SLIT2: variants seen among roughly 807,000 people sequenced by gnomAD.
The protein encoded by SLIT2 is slit homolog 2 protein.
A neutral mutation model predicts 185.7 loss-of-function variants in SLIT2; 41 were observed. That is an observed-to-expected ratio of 0.22 (90% CI 0.17 to 0.29). The LOEUF (loss-of-function observed/expected upper bound fraction) is 0.29, where lower values mean the gene tolerates loss of function less well. Among genes scored for constraint, SLIT2 ranks in the 10% least tolerant of loss-of-function variants. SLIT2 has a pLI of 1.00. For synonymous variants in SLIT2, 693 were observed against 680.2 expected (o/e 1.02, Z -0.29); for missense variants, 1,571 against 1,909.0 (o/e 0.82, Z 3.30).
intron 3 of SLIT2, among the ~76,000 whole-genome samples, chr4:20,259,586 G>A (rs1426333495): frequency 6.6e-6 from 1 of 151,734 alleles, no homozygotes; most frequent in Non-Finnish European, 1.5e-5. Context: ...TCACTTCAGA[G>A]TGTTGTCTGA....
intron 4 of SLIT2, among the ~76,000 whole-genome samples, chr4:20,366,990 T>G (rs1334924350): frequency 6.6e-6 from 1 of 151,932 alleles, no homozygotes; most frequent in East Asian, 1.9e-4. Flanking sequence ...ACAGAGACAG[T>G]GTCTTCCTCT....
chr4:20,466,008 A>G (rs907977533), intron 4 of SLIT2, among the ~76,000 whole-genome samples: 8 of 151,944 alleles, frequency 5.3e-5, no homozygotes, highest in Admixed American at 4.6e-4. Context: ...AAGCGATTAG[A>G]AAACATGGAA....
rs1239042750 is a variant in SLIT2, at chr4:20,252,928, G to A, written c.-888G>A. 6.6e-6 allele frequency among the ~76,000 whole-genome samples: 1 copy of A among 152,170 alleles called. No individual in the cohort carries two copies. Among genetic ancestry groups the A allele is most frequent in the Non-Finnish European group, 1.5e-5 (1 of 68,038 alleles). On this transcript the variant is annotated 5_prime_UTR_variant, in exon 1 of 37. Transcript: ENST00000504154. ...GCTCTCATCCTCCACTTGGCCTCTT[G>A]GAGTTCCTCGCCGGAGTGCTGACTA...
At chr4:20,561,278 G>A (rs536263959) in intron 26 of SLIT2, among the ~76,000 whole-genome samples, 9 of 151,930 alleles carry the variant, frequency 5.9e-5, no homozygotes, top group East Asian at 3.9e-4. Flanking sequence ...TCAACATTTA[G>A]CATGCTGTGG....
At chr4:20,404,076 A>G (rs961978914) in intron 4 of SLIT2, among the ~76,000 whole-genome samples, 2 of 151,906 alleles carry the variant, frequency 1.3e-5, no homozygotes, top group Non-Finnish European at 2.9e-5. Context: ...AGCCTTTACA[A>G]TTTTTCAGTT....
intron 4 of SLIT2, among the ~76,000 whole-genome samples, chr4:20,402,970 A>C (rs913550800): frequency 3.3e-5 from 5 of 151,804 alleles, no homozygotes; most frequent in African/African-American, 1.2e-4. Flanking sequence ...AGATATATCT[A>C]AATTATTTTC....
chr4:20,496,810 C>T (rs1025962538), intron 9 of SLIT2, among the ~76,000 whole-genome samples: 1 of 152,008 alleles, frequency 6.6e-6, no homozygotes, highest in South Asian at 2.1e-4. Flanking sequence ...AAAAATTAAT[C>T]AGACATTTGG....
At chr4:20,597,834 C>A (rs1728106009) in intron 32 of SLIT2, among the ~76,000 whole-genome samples, 1 of 152,088 alleles carries the variant, frequency 6.6e-6, no homozygotes, top group Admixed American at 6.6e-5. Context: ...GGCCAAAGAG[C>A]AGGATAAAAA....
chr4:20,486,334 T>C (rs1717232965), intron 7 of SLIT2, 63 bp downstream of exon 7: 2 of 975,820 alleles, frequency 2.0e-6, no homozygotes, highest in African/African-American at 3.2e-5. Context: ...TTAAATAGCA[T>C]GTTCAGTAAG....
chr4:20,533,639 G>T lies in SLIT2; in HGVS notation c.1756G>T (p.Glu586Ter). Reference sequence around the variant, plus strand: ...ATTTGAAGGAGCATCTGGTGTAAATGAAATACTTCTTACGAGTAATCGTTT... The same window carrying T: ...ATTTGAAGGAGCATCTGGTGTAAATTAAATACTTCTTACGAGTAATCGTTT... ...GAFEGASGVN[E>*]ILLTSNRLEN... Residue 586 changes from glutamate (E) to a stop codon, truncating the protein, a stop_gained, in exon 18 of 37, where the codon GAA becomes TAA. Coordinates refer to ENST00000504154, the MANE Select transcript of SLIT2 (RefSeq NM_004787.4). LOFTEE classifies it high-confidence loss of function. The T allele has an allele frequency of 6.2e-7, 1 of 1,612,258 alleles. No homozygotes were observed. The highest frequency in any genetic ancestry group is 8.5e-7 in the Non-Finnish European group (1 of 1,178,272).
intron 5 of SLIT2, among the ~76,000 whole-genome samples, chr4:20,472,302 A>ATCTATATATCTATATATT (rs1715232680): frequency 1.9e-4 from 2 of 10,640 alleles, no homozygotes; most frequent in Non-Finnish European, 2.9e-4. Flanking sequence ...ATAGATATAT[A>ATCTATATATCTATATATT]GATCTATATA....
rs145477453 is a variant in SLIT2, at chr4:20,385,032, T to C, written c.396-82720T>C. 1.3e-5 allele frequency among the ~76,000 whole-genome samples: 2 copies of C among 152,260 alleles called. 1 individual carries two copies. Among genetic ancestry groups the C allele is most frequent in the African/African-American group, 4.8e-5 (2 of 41,562 alleles). The stretch of plus-strand genomic sequence containing the variant: ...CTGTCTGCTTTTCCTGCTCCTACTT[T>C]CTGACGATCTCTTCTTGGGTATCTT... On this transcript the variant is annotated intron_variant, in intron 4 of 36. Transcript: ENST00000504154.
At position 20,617,439 on chromosome 4, in the gene SLIT2, A is replaced by G; in HGVS notation, c.4137A>G (p.Lys1379=). The change falls in exon 36 of 37, where the codon AAA becomes AAG. Residue 1379 remains lysine (K), a splice_region_variant and synonymous_variant. Coordinates refer to ENST00000504154, the MANE Select transcript of SLIT2 (RefSeq NM_004787.4). Reference sequence around the variant, plus strand: ...ACTCCTGTGTTCCTCCTCCCTGTAGATGCGTACATGGCACCTGCTTGCCCA... The same window carrying G: ...ACTCCTGTGTTCCTCCTCCCTGTAGGTGCGTACATGGCACCTGCTTGCCCA... ...QRTNDPCLGN[K]CVHGTCLPIN... 6.2e-7 allele frequency: 1 copy of G among 1,613,590 alleles called. No homozygotes were observed. Among genetic ancestry groups the G allele is most frequent in the South Asian group, 1.1e-5 (1 of 91,026 alleles).
intron 4 of SLIT2, among the ~76,000 whole-genome samples, chr4:20,299,994 T>C (rs1716890405): frequency 6.6e-6 from 1 of 152,104 alleles, no homozygotes; most frequent in Non-Finnish European, 1.5e-5. Flanking sequence ...GTTAATCTTA[T>C]AAATATAACC....
intron 33 of SLIT2, among the ~76,000 whole-genome samples, chr4:20,599,155 G>A (rs1310203687): frequency 6.6e-6 from 1 of 152,134 alleles, no homozygotes; most frequent in Admixed American, 6.5e-5. Flanking sequence ...TGTTGTCTTA[G>A]GGAATCTTGA....
intron 4 of SLIT2, among the ~76,000 whole-genome samples, chr4:20,363,556 G>T (rs922693533): frequency 6.6e-6 from 1 of 151,980 alleles, no homozygotes; most frequent in East Asian, 1.9e-4. Flanking sequence ...TTTCTAATCA[G>T]AATTTTCTGG....
chr4:20,539,077 T>A (rs1722572609), intron 18 of SLIT2, among the ~76,000 whole-genome samples: 2 of 152,108 alleles, frequency 1.3e-5, no homozygotes, highest in African/African-American at 2.4e-5. Flanking sequence ...AATACTACCC[T>A]GAATACACAA....
intron 30 of SLIT2, among the ~76,000 whole-genome samples, chr4:20,591,704 C>T (rs1314581133): frequency 6.6e-6 from 1 of 151,544 alleles, no homozygotes; most frequent in East Asian, 1.9e-4. Flanking sequence ...AAATTGAAAA[C>T]ACATCACTTA....
chr4:20,325,360 G>C (rs1006461111), intron 4 of SLIT2, among the ~76,000 whole-genome samples: 2 of 124,102 alleles, frequency 1.6e-5, no homozygotes, highest in Non-Finnish European at 3.2e-5. Context: ...CCAATGGCAA[G>C]ATTAGTAGTA....
Sources: allele counts gnomAD v4.1 joint callset (sites outside exome capture counted in the v4.1 genomes callset), GRCh38; gene constraint gnomAD v4.1.1; transcripts MANE v1.5; gene names NCBI Gene and HGNC (gene_info 2026-07-23, HGNC 2026-07-21).